ENAH: variants seen among roughly 807,000 people sequenced by gnomAD.
The protein encoded by ENAH is ENAH actin regulator.
A neutral mutation model predicts 78.7 loss-of-function variants in ENAH; 23 were observed. The ratio of observed to expected loss-of-function variants is 0.29; its 90% CI spans 0.21 to 0.41. The LOEUF (loss-of-function observed/expected upper bound fraction) is 0.41, where lower values mean the gene tolerates loss of function less well. Ranked by LOEUF, ENAH falls within the 10% of genes least tolerant of loss-of-function variation. The pLI is 1.00. For synonymous variants in ENAH, 226 were observed against 241.0 expected, an observed-to-expected ratio of 0.94 and a Z score of 0.58; for missense variants, 544 against 691.0, an observed-to-expected ratio of 0.79 and a Z score of 2.39.
At chr1:225,591,974 T>C (rs554626017) in intron 1 of ENAH, among the ~76,000 whole-genome samples, 2 of 152,090 alleles carry the variant, frequency 1.3e-5, no homozygotes, top group East Asian at 1.9e-4. Flanking sequence ...AGTTTTTATT[T>C]AGCCTCATTA....
chr1:225,619,421 G>T (rs939662271), intron 1 of ENAH, among the ~76,000 whole-genome samples: 3 of 152,164 alleles, frequency 2.0e-5, no homozygotes, highest in African/African-American at 7.2e-5. Context: ...GCAAGCACCT[G>T]TAGTCCCAGC....
chr1:225,520,926 G>GAGGAAGGGAGGA (rs2096462399), intron 4 of ENAH, among the ~76,000 whole-genome samples: 2 of 458 alleles, frequency 4.4e-3, no homozygotes, highest in African/African-American at 9.0e-3. Flanking sequence ...GGGAGGAAGG[G>GAGGAAGGGAGGA]AGGGAGGGAG....
chr1:225,540,184 G>T (rs906450524), intron 3 of ENAH, among the ~76,000 whole-genome samples: 1 of 152,080 alleles, frequency 6.6e-6, no homozygotes, highest in East Asian at 1.9e-4. Flanking sequence ...CTCTGGATGC[G>T]AGTGGGCAAC....
chr1:225,641,881 C>T (rs907699157), intron 1 of ENAH, among the ~76,000 whole-genome samples: 1 of 152,026 alleles, frequency 6.6e-6, no homozygotes, highest in Non-Finnish European at 1.5e-5. Context: ...ATTACCTGGG[C>T]GTGGTCTCGT....
intron 1 of ENAH, among the ~76,000 whole-genome samples, chr1:225,618,280 A>G (rs1656163692): frequency 6.6e-6 from 1 of 152,210 alleles, no homozygotes; most frequent in Non-Finnish European, 1.5e-5. Flanking sequence ...AACTGGGGAG[A>G]AAGAAAAAGT....
At chr1:225,567,193 C>T in intron 2 of ENAH, 56 bp downstream of exon 2, 3 of 1,568,268 alleles carry the variant, frequency 1.9e-6, no homozygotes, top group Non-Finnish European at 2.6e-6. Flanking sequence ...ACGGAATATG[C>T]CAAGTCCTTT....
Position 225,562,482 on chromosome 1 carries a change from G to A in ENAH, c.171+4767C>T, listed in dbSNP as rs1483264010. Among the ~76,000 whole-genome samples the A allele has an allele frequency of 2.0e-5, 3 of 146,656 alleles. No individual in the cohort carries two copies. In the Admixed American group the frequency reaches 2.1e-4, roughly 10 times the overall value. ...AGCTGCTCGGGAGGCTGAGGCAGGA[G>A]AATGGCATGAACCCGGAAGGCAGAG... is the stretch of plus-strand genomic sequence containing the variant. On this transcript the variant is annotated intron_variant, in intron 2 of 13. Coordinates refer to ENST00000366843, the MANE Select transcript of ENAH (RefSeq NM_018212.6).
At chr1:225,569,264 A>G (rs374455179) in intron 1 of ENAH, among the ~76,000 whole-genome samples, 2 of 152,326 alleles carry the variant, frequency 1.3e-5, no homozygotes, top group African/African-American at 4.8e-5. Flanking sequence ...CAGTTTTCAA[A>G]TAATATTTTT....
At chr1:225,595,953 C>T (rs897571780) in intron 1 of ENAH, among the ~76,000 whole-genome samples, 1 of 152,178 alleles carries the variant, frequency 6.6e-6, no homozygotes, top group African/African-American at 2.4e-5. Flanking sequence ...TGAACTTAAG[C>T]ATTTTTTCTC....
At chr1:225,532,034 CA>C (rs531121852) in intron 3 of ENAH, among the ~76,000 whole-genome samples, 9 of 148,532 alleles carry the variant, frequency 6.1e-5, no homozygotes, top group South Asian at 4.3e-4. Context: ...TAATCAATAA[CA>C]AAAAAAAACA....
rs1200324046 is a variant in ENAH at position 225,492,996 on chromosome 1, AAAT to A, written c.*4776_*4778del. 2 of 152,226 alleles carry A rather than the reference AAAT, an allele frequency of 1.3e-5. No homozygotes were observed. Among genetic ancestry groups the A allele is most frequent in the Admixed American group, 6.5e-5 (1 of 15,278 alleles). 9.4% of individuals were successfully genotyped at this position (152,226 alleles called of 1,614,324 possible). On this transcript the variant is annotated 3_prime_UTR_variant, in exon 14 of 14. Coordinates refer to ENST00000366843, the MANE Select transcript of ENAH (RefSeq NM_018212.6). ...TGTGACTTGACCATTAGTATTCCACAAATAATTTATCCTAGAACTCCATTTATT... is the reference window on the plus strand; with the variant it reads ...TGTGACTTGACCATTAGTATTCCACAAATTTATCCTAGAACTCCATTTATT...
Position 225,530,494 on chromosome 1 carries a change from T to C in ENAH, c.434+60A>G, listed in dbSNP as rs2096532740. 4.6e-6 allele frequency: 6 copies of C among 1,302,474 alleles called. No individual in the cohort carries two copies. In the Admixed American group the frequency reaches 1.0e-4, roughly 22 times the overall value. The allele number at this position is 1,302,474 out of a possible 1,614,324, so 80.7% of individuals were successfully genotyped here. ...GACATAATCTACTTTAAACACAGGA[T>C]GTTCAGTTTTGTCTTCTGAAGCATA... is the stretch of plus-strand genomic sequence containing the variant. On this transcript the variant is annotated intron_variant, in intron 4 of 13. Transcript: ENST00000366843.
At chr1:225,621,099 G>T (rs368771573) in intron 1 of ENAH, among the ~76,000 whole-genome samples, 3 of 152,052 alleles carry the variant, frequency 2.0e-5, no homozygotes, top group East Asian at 1.9e-4. Flanking sequence ...AATGTGTCCC[G>T]AATTAAAACA....
chr1:225,586,356 T>C (rs1407924235), intron 1 of ENAH, among the ~76,000 whole-genome samples: 3 of 151,084 alleles, frequency 2.0e-5, no homozygotes, highest in Non-Finnish European at 4.4e-5. Flanking sequence ...AATTGATATA[T>C]GAAGCTCCTC....
Position 225,496,641 on chromosome 1 carries a change from A to G in ENAH, c.*1134T>C, listed in dbSNP as rs2096251137. ...TTCAGACCATTGAAATTACTGGTTA[A>G]AATACAAATAGCTGAAGACATGATG... On this transcript the variant is annotated 3_prime_UTR_variant, in exon 14 of 14. Transcript: ENST00000366843. 1 of 152,698 alleles carries G rather than the reference A, an allele frequency of 6.5e-6. No individual in the cohort carries two copies. The highest frequency in any genetic ancestry group is 1.5e-5 in the Non-Finnish European group (1 of 68,038). 9.5% of individuals were successfully genotyped at this position (152,698 alleles called of 1,614,324 possible).
intron 1 of ENAH, among the ~76,000 whole-genome samples, chr1:225,591,786 A>C (rs1053599236): frequency 3.3e-5 from 5 of 151,616 alleles, no homozygotes; most frequent in Admixed American, 2.6e-4. Flanking sequence ...AAAAAAAAAA[A>C]AAAAGGGCTT....
In ENAH at chr1:225,567,408, C is replaced by A. The variant is rs754433413; in HGVS notation, c.12G>T (p.Gln4His). 9 of 1,602,034 alleles carry A rather than the reference C, an allele frequency of 5.6e-6. No homozygotes were observed. The highest frequency in any genetic ancestry group is 7.7e-6 in the Non-Finnish European group (9 of 1,174,842). The change falls in exon 2 of 14, where the codon CAG becomes CAT. Residue 4 changes from glutamine to histidine, a missense_variant. Coordinates refer to ENST00000366843, the MANE Select transcript of ENAH (RefSeq NM_018212.6). ...CAGCAGCTCTTGCCTGACAGATACT[C>A]TGTTCACTGTAAAAAATAAAATAAA... MSE[Q>H]SICQARAAVM...
chr1:225,493,760 T>C lies in ENAH; in HGVS notation c.*4015A>G, dbSNP rs556145256. ...TTACTTTTACGCTGCTTATAATCGG[T>C]AGAATTTAAAGGGTAATGGTGTTAT... On this transcript the variant is annotated 3_prime_UTR_variant, in exon 14 of 14. Transcript: ENST00000366843. 1 of 152,186 alleles carries C rather than the reference T, an allele frequency of 6.6e-6. No homozygotes were observed. Among genetic ancestry groups the C allele is most frequent in the African/African-American group, 2.4e-5 (1 of 41,528 alleles). The allele number at this position is 152,186 out of a possible 1,614,324, so 9.4% of individuals were successfully genotyped here. A position where few individuals can be genotyped will look rare whatever the true frequency, so the allele number is the denominator to read the frequency against.
intron 1 of ENAH, among the ~76,000 whole-genome samples, chr1:225,599,678 C>T (rs2096920305): frequency 6.6e-6 from 1 of 151,792 alleles, no homozygotes; most frequent in African/African-American, 2.4e-5. Context: ...CGCCTGTAAT[C>T]CCAGCTACTC....
Sources: gnomAD v4.1 joint callset for allele counts (sites outside exome capture counted in the v4.1 genomes callset) on GRCh38, gnomAD v4.1.1 for gene constraint, MANE v1.5 for transcripts, NCBI Gene and HGNC (gene_info 2026-07-23, HGNC 2026-07-21) for gene names.